Variants in CDH8 observed in about 807,000 individuals in gnomAD.
CDH8 encodes cadherin-8.
In CDH8, 17 loss-of-function variants were observed where a neutral mutation model predicts 68.1. That is an observed-to-expected ratio of 0.25 (90% CI 0.17 to 0.37). CDH8 has a LOEUF of 0.37. CDH8 is among the 10% of genes least tolerant of loss of function. The pLI, the probability that CDH8 is intolerant of heterozygous loss-of-function variation, is 1.00. For missense variants in CDH8, 763 were observed against 999.3 expected, an observed-to-expected ratio of 0.76 and a Z score of 3.19; for synonymous variants, 372 against 365.1, an observed-to-expected ratio of 1.02 and a Z score of -0.21.
chr16:61,745,058 A>C (rs1959981125), intron 8 of CDH8, among the ~76,000 whole-genome samples: 1 of 150,890 alleles, frequency 6.6e-6, no homozygotes, highest in African/African-American at 2.4e-5. Context: ...ATTTCTAAAA[A>C]TGTTTTCAGT....
intron 4 of CDH8, among the ~76,000 whole-genome samples, chr16:61,832,924 G>A (rs983148079): frequency 6.6e-6 from 1 of 151,590 alleles, no homozygotes; most frequent in African/African-American, 2.4e-5. Context: ...TTTAGTGCAG[G>A]CACTGGAATT....
chr16:61,960,286 CAT>C lies in CDH8; in HGVS notation c.253-58815_253-58814del, dbSNP rs1464564656. 4.3e-5 allele frequency among the ~76,000 whole-genome samples: 4 copies of C among 93,520 alleles called. 1 individual carries two copies. The South Asian group carries it at 1.2e-3, about 29-fold the overall frequency. 61.4% of individuals were successfully genotyped at this position (93,520 alleles called of 152,430 possible). A position where few individuals can be genotyped will look rare whatever the true frequency, so the allele number is the denominator to read the frequency against. On this transcript the variant is annotated intron_variant, in intron 2 of 11. Transcript: ENST00000577390. Reference sequence around the variant, plus strand: ...ATATATACGTGTGTGTGTATACACACATATATACGTGTGTGTGTATACACACA... The same window carrying C: ...ATATATACGTGTGTGTGTATACACACATATACGTGTGTGTGTATACACACA...
At chr16:61,659,579 A>C (rs1417086064) in intron 10 of CDH8, among the ~76,000 whole-genome samples, 1 of 152,066 alleles carries the variant, frequency 6.6e-6, no homozygotes, top group South Asian at 2.1e-4. Context: ...CTAGCTGGGC[A>C]CTGTGCCACT....
In CDH8 at chr16:61,738,911, C is replaced by T. The variant is rs1417268186; in HGVS notation, c.1415-11696G>A. Among the ~76,000 whole-genome samples, 4 of 152,044 alleles carry T rather than the reference C, an allele frequency of 2.6e-5. No individual in the cohort carries two copies. The East Asian group carries it at 7.7e-4, about 29-fold the overall frequency. Reference sequence around the variant, plus strand: ...TGTATTACTTTGGTTCAATTTGTAACTCTAAAATATTGACTCCTTCCTTTT... The same window carrying T: ...TGTATTACTTTGGTTCAATTTGTAATTCTAAAATATTGACTCCTTCCTTTT... On this transcript the variant is annotated intron_variant, in intron 8 of 11. Coordinates refer to ENST00000577390, the MANE Select transcript of CDH8 (RefSeq NM_001796.5).
chr16:61,753,454 G>A (rs1326057810), intron 8 of CDH8, among the ~76,000 whole-genome samples: 1 of 151,844 alleles, frequency 6.6e-6, no homozygotes, highest in Non-Finnish European at 1.5e-5. Context: ...TGCCCAGGCG[G>A]GTCTCAGACT....
chr16:61,787,523 G>A (rs1339820911), intron 8 of CDH8, among the ~76,000 whole-genome samples: 2 of 141,290 alleles, frequency 1.4e-5, no homozygotes, highest in Admixed American at 7.1e-5. Context: ...CATTGTGGAA[G>A]TCAGTGTGGC....
intron 2 of CDH8, among the ~76,000 whole-genome samples, chr16:62,001,512 A>G (rs1014935921): frequency 2.0e-5 from 3 of 152,156 alleles, no homozygotes; most frequent in African/African-American, 7.2e-5. Flanking sequence ...TAAATACACA[A>G]GCTATACATT....
intron 2 of CDH8, among the ~76,000 whole-genome samples, chr16:61,979,684 T>A (rs1321057030): frequency 6.6e-6 from 1 of 152,008 alleles, no homozygotes; most frequent in African/African-American, 2.4e-5. Context: ...TTTTCTATAA[T>A]GTCAGCCACT....
intron 11 of CDH8, 102 bp downstream of exon 11, chr16:61,655,368 C>A: frequency 1.7e-6 from 2 of 1,159,894 alleles, no homozygotes; most frequent in Non-Finnish European, 2.5e-6. Flanking sequence ...TCTTCCCCAA[C>A]GGAATGCTCT....
intron 2 of CDH8, among the ~76,000 whole-genome samples, chr16:61,996,190 C>T (rs2150592921): frequency 6.6e-6 from 1 of 152,160 alleles, no homozygotes; most frequent in Non-Finnish European, 1.5e-5. Flanking sequence ...CCTGACAGGT[C>T]ATCCAACCCA....
chr16:61,739,915 A>ATATATATTTAT, intron 8 of CDH8, among the ~76,000 whole-genome samples: 1 of 109,580 alleles, frequency 9.1e-6, no homozygotes, highest in South Asian at 3.0e-4. Flanking sequence ...ATATATATGT[A>ATATATATTTAT]TTTTTTTTTT....
chr16:61,890,042 C>G (rs1963745859), intron 3 of CDH8, among the ~76,000 whole-genome samples: 1 of 152,144 alleles, frequency 6.6e-6, no homozygotes, highest in Admixed American at 6.5e-5. Context: ...GTCTTATTTT[C>G]TTCAGAAGGG....
chr16:61,854,646 G>C (rs1014556110), intron 4 of CDH8, among the ~76,000 whole-genome samples: 1 of 152,038 alleles, frequency 6.6e-6, no homozygotes, highest in African/African-American at 2.4e-5. Context: ...CCCCACAAAG[G>C]GGGTATTTGC....
At chr16:61,998,618 A>AGTTT (rs1468270473) in intron 2 of CDH8, among the ~76,000 whole-genome samples, 12 of 152,178 alleles carry the variant, frequency 7.9e-5, no homozygotes, top group Non-Finnish European at 1.5e-4. Flanking sequence ...TTGTAATTAA[A>AGTTT]CAAGTCATGC....
intron 10 of CDH8, among the ~76,000 whole-genome samples, chr16:61,687,773 T>C (rs1964137647): frequency 6.6e-6 from 1 of 152,062 alleles, no homozygotes; most frequent in Non-Finnish European, 1.5e-5. Flanking sequence ...CAGTTTTATC[T>C]TGAAAATGAA....
chr16:61,687,511 T>G (rs1033899149), intron 10 of CDH8, among the ~76,000 whole-genome samples: 1 of 151,972 alleles, frequency 6.6e-6, no homozygotes, highest in Admixed American at 6.6e-5. Flanking sequence ...TTAATGGATA[T>G]TATAAAGGTC....
At chr16:62,002,765 C>G (rs1054207658) in intron 2 of CDH8, among the ~76,000 whole-genome samples, 2 of 152,090 alleles carry the variant, frequency 1.3e-5, no homozygotes, top group Admixed American at 6.6e-5. Flanking sequence ...TGCTTAAAAA[C>G]AAATTTGGCC....
rs1382605932 is a variant in CDH8 at position 61,654,631 on chromosome 16, C to A, written c.1907-530G>T. ...CTTGTCTTGTGGGAGGGCTGGAATG[C>A]CTCTAGCTGGGAAGAGAAACCTGAA... On this transcript the variant is annotated intron_variant, in intron 11 of 11. Coordinates refer to ENST00000577390, the MANE Select transcript of CDH8 (RefSeq NM_001796.5). Among the ~76,000 whole-genome samples, 4 of 152,134 alleles carry A rather than the reference C, an allele frequency of 2.6e-5. No individual in the cohort carries two copies. In the East Asian group the frequency reaches 7.7e-4, roughly 29 times the overall value.
chr16:62,032,592 G>A (rs1156702352), intron 1 of CDH8, among the ~76,000 whole-genome samples: 1 of 152,128 alleles, frequency 6.6e-6, no homozygotes, highest in East Asian at 1.9e-4. Context: ...AGTTTCAGCA[G>A]CACCACTGAG....
Sources: allele counts gnomAD v4.1 joint callset (sites outside exome capture counted in the v4.1 genomes callset), GRCh38; gene constraint gnomAD v4.1.1; transcripts MANE v1.5; gene names NCBI Gene and HGNC (gene_info 2026-07-23, HGNC 2026-07-21).